AGBL4: variants seen among roughly 807,000 people sequenced by gnomAD.
The protein encoded by AGBL4 is AGBL carboxypeptidase 4.
AGBL4 carries 58 observed loss-of-function variants against 66.4 expected under a neutral mutation model. That is an observed-to-expected ratio of 0.87 (90% CI 0.71 to 1.09). The LOEUF (loss-of-function observed/expected upper bound fraction) is 1.09. AGBL4 is among the 50% of genes least tolerant of loss of function. The pLI is 0.00. For missense variants in AGBL4, 579 were observed against 631.0 expected (o/e 0.92, Z 0.88); for synonymous variants, 234 against 222.9 (o/e 1.05, Z -0.44).
Position 48,851,985 on chromosome 1 carries a change from T to C in AGBL4, c.634+15206A>G, listed in dbSNP as rs1197043245. On this transcript the variant is annotated intron_variant, in intron 6 of 13. Coordinates refer to ENST00000371839, the MANE Select transcript of AGBL4 (RefSeq NM_032785.4). ...AACTTCCCATAACAACATGAGCATT[T>C]CCAAGGTTCTGGTATGTGCCAGATA... Among the ~76,000 whole-genome samples the C allele has an allele frequency of 3.3e-5, 5 of 149,796 alleles. No individual in the cohort carries two copies. In the East Asian group the frequency reaches 7.8e-4, roughly 23 times the overall value.
chr1:49,249,304 G>GA (rs904281835), intron 3 of AGBL4, among the ~76,000 whole-genome samples: 1 of 151,984 alleles, frequency 6.6e-6, no homozygotes, highest in African/African-American at 2.4e-5. Context: ...CAGAATGGGA[G>GA]AAAATATTTG....
intron 4 of AGBL4, among the ~76,000 whole-genome samples, chr1:49,173,902 A>C (rs995392401): frequency 2.6e-5 from 4 of 152,182 alleles, no homozygotes; most frequent in African/African-American, 9.6e-5. Flanking sequence ...AAGTAAACAA[A>C]GTGTTTAAGG....
intron 2 of AGBL4, among the ~76,000 whole-genome samples, chr1:49,791,021 A>C (rs1245604853): frequency 6.6e-6 from 1 of 152,198 alleles, no homozygotes; most frequent in Non-Finnish European, 1.5e-5. Flanking sequence ...AAATGGAATT[A>C]GACTGTTATA....
chr1:49,114,461 C>T (rs1645475161), intron 4 of AGBL4, among the ~76,000 whole-genome samples: 1 of 152,178 alleles, frequency 6.6e-6, no homozygotes, highest in Non-Finnish European at 1.5e-5. Flanking sequence ...TTCTCCAAAT[C>T]AGCAATAAGG....
chr1:49,303,125 T>G (rs1644785576), intron 3 of AGBL4, among the ~76,000 whole-genome samples: 1 of 152,208 alleles, frequency 6.6e-6, no homozygotes, highest in African/African-American at 2.4e-5. Flanking sequence ...AACACACTTG[T>G]GCATGTATCT....
intron 5 of AGBL4, among the ~76,000 whole-genome samples, chr1:48,920,936 C>T (rs182996811): frequency 6.6e-6 from 1 of 152,356 alleles, no homozygotes; most frequent in Admixed American, 6.5e-5. Context: ...CCACTGTTTG[C>T]CTGCCAAGGC....
intron 3 of AGBL4, among the ~76,000 whole-genome samples, chr1:49,661,506 C>T (rs1313556405): frequency 6.6e-6 from 1 of 152,144 alleles, no homozygotes; most frequent in African/African-American, 2.4e-5. Context: ...TGCACCCTCT[C>T]TGACCATCTG....
At chr1:48,965,340 T>C (rs1451035096) in intron 5 of AGBL4, among the ~76,000 whole-genome samples, 1 of 151,872 alleles carries the variant, frequency 6.6e-6, no homozygotes, top group Non-Finnish European at 1.5e-5. Flanking sequence ...AAGCCAGACA[T>C]AGAGGGATGA....
At chr1:48,912,739 G>T (rs1028260722) in intron 5 of AGBL4, among the ~76,000 whole-genome samples, 4 of 152,110 alleles carry the variant, frequency 2.6e-5, no homozygotes, top group African/African-American at 4.8e-5. Context: ...CTAGCTTTGG[G>T]TCTCTTCTTT....
intron 6 of AGBL4, among the ~76,000 whole-genome samples, chr1:48,851,138 T>G (rs1422659603): frequency 1.3e-5 from 2 of 152,192 alleles, no homozygotes; most frequent in African/African-American, 2.4e-5. Flanking sequence ...TTTAAAACAC[T>G]TTTTGATATT....
At chr1:49,128,411 T>A (rs917610819) in intron 4 of AGBL4, among the ~76,000 whole-genome samples, 3 of 152,078 alleles carry the variant, frequency 2.0e-5, no homozygotes, top group Admixed American at 2.0e-4. Flanking sequence ...ACAACTATTA[T>A]GAAAAACAAG....
chr1:48,554,556 T>C (rs1644293828), intron 11 of AGBL4, among the ~76,000 whole-genome samples: 1 of 152,234 alleles, frequency 6.6e-6, no homozygotes, highest in South Asian at 2.1e-4. Context: ...TGTGTGATTA[T>C]AAACTTAAAT....
At position 48,534,266 on chromosome 1, in the gene AGBL4, G is replaced by A; in HGVS notation, c.1419C>T (p.His473=). ...TGCTGGCTGGGCCCCGCAGGAGTGG[G>A]TGCTTGTAAGGAGGGGATTTTTCTT... The part of the protein sequence containing the change: ...RRKEKSPPYK[H]PLLRGPASNY... Residue 473 remains histidine, a synonymous_variant, in exon 14 of 14, where the codon CAC becomes CAT. Coordinates refer to ENST00000371839, the MANE Select transcript of AGBL4 (RefSeq NM_032785.4). 1 of 1,551,540 alleles carries A rather than the reference G, an allele frequency of 6.4e-7. No individual in the cohort carries two copies. Among genetic ancestry groups the A allele is most frequent in the Non-Finnish European group, 8.7e-7 (1 of 1,146,904 alleles).
chr1:49,705,382 A>T (rs1210302756), intron 2 of AGBL4, among the ~76,000 whole-genome samples: 2 of 152,114 alleles, frequency 1.3e-5, no homozygotes, highest in Non-Finnish European at 2.9e-5. Flanking sequence ...AGACAATTTG[A>T]CTTCCTCTCT....
At position 49,840,420 on chromosome 1, in the gene AGBL4, G is replaced by A. The variant is rs572994328; in HGVS notation, c.157+10976C>T. On this transcript the variant is annotated intron_variant, in intron 2 of 13. Coordinates refer to ENST00000371839, the MANE Select transcript of AGBL4 (RefSeq NM_032785.4). The stretch of plus-strand genomic sequence containing the variant: ...TACTCTTTCAAAAAATGAACCCATG[G>A]TTTCATTGATGGTTTGTATAGATTT... Among the ~76,000 whole-genome samples the A allele has an allele frequency of 1.2e-3, 188 of 152,136 alleles. 1 individual carries two copies. Among genetic ancestry groups the A allele is most frequent in the African/African-American group, 4.1e-3 (171 of 41,512 alleles).
chr1:49,169,527 AAAC>A (rs1476849876), intron 4 of AGBL4, among the ~76,000 whole-genome samples: 1 of 152,236 alleles, frequency 6.6e-6, no homozygotes, highest in Non-Finnish European at 1.5e-5. Context: ...ATTTTAAAGT[AAAC>A]AATTCAGTGA....
chr1:48,595,406 G>C (rs1197663794), intron 9 of AGBL4, among the ~76,000 whole-genome samples: 1 of 151,864 alleles, frequency 6.6e-6, no homozygotes, highest in South Asian at 2.1e-4. Flanking sequence ...GTAAACAAAT[G>C]CATCTTAAGT....
intron 3 of AGBL4, among the ~76,000 whole-genome samples, chr1:49,675,286 A>T (rs1433087372): frequency 6.6e-6 from 1 of 152,100 alleles, no homozygotes; most frequent in Non-Finnish European, 1.5e-5. Flanking sequence ...CATTAAAGAG[A>T]TTTTGATATT....
At chr1:48,568,712 G>T (rs2148311609) in intron 11 of AGBL4, among the ~76,000 whole-genome samples, 1 of 152,316 alleles carries the variant, frequency 6.6e-6, no homozygotes, top group South Asian at 2.1e-4. Context: ...TCTGGGCATT[G>T]GCCTAGAATG....
Sources: allele counts gnomAD v4.1 joint callset (sites outside exome capture counted in the v4.1 genomes callset), GRCh38; gene constraint gnomAD v4.1.1; transcripts MANE v1.5; gene names NCBI Gene and HGNC (gene_info 2026-07-23, HGNC 2026-07-21).